Variants in NPAS3 observed in about 807,000 individuals in gnomAD.
NPAS3 encodes neuronal PAS domain protein 3.
In NPAS3, 14 loss-of-function variants were observed where a neutral mutation model predicts 73.1. The ratio of observed to expected loss-of-function variants is 0.19; its 90% CI spans 0.13 to 0.30. NPAS3 has a LOEUF of 0.30. Ranked by LOEUF, NPAS3 falls within the 10% of genes least tolerant of loss-of-function variation. The probability of loss-of-function intolerance (pLI) is 1.00; values close to 1 mark genes in which losing one functional copy is unlikely to be tolerated. For missense variants in NPAS3, 1,096 were observed against 1,250.0 expected (o/e 0.88, Z 1.86); for synonymous variants, 620 against 541.5 (o/e 1.14, Z -2.01).
chr14:33,216,973 T>C (rs746290504), intron 3 of NPAS3, among the ~76,000 whole-genome samples: 2 of 152,188 alleles, frequency 1.3e-5, no homozygotes, highest in South Asian at 4.1e-4. Flanking sequence ...GATTGTATTA[T>C]GCTATAAAAA....
intron 4 of NPAS3, among the ~76,000 whole-genome samples, chr14:33,474,144 C>T (rs2050912975): frequency 1.3e-5 from 2 of 152,114 alleles, no homozygotes; most frequent in Admixed American, 6.6e-5. Context: ...AGTGACACTA[C>T]AGAGTCAAGC....
At chr14:33,785,995 AC>A (rs1279824137) in intron 9 of NPAS3, among the ~76,000 whole-genome samples, 1 of 152,134 alleles carries the variant, frequency 6.6e-6, no homozygotes, top group African/African-American at 2.4e-5. Context: ...GCACTTCCCC[AC>A]CACCCCACAG....
At chr14:33,445,113 C>T (rs2049426313) in intron 4 of NPAS3, among the ~76,000 whole-genome samples, 1 of 152,206 alleles carries the variant, frequency 6.6e-6, no homozygotes, top group South Asian at 2.1e-4. Flanking sequence ...TATTCTTCGG[C>T]ACTTGGTTAA....
intron 3 of NPAS3, among the ~76,000 whole-genome samples, chr14:33,226,238 T>C (rs949806869): frequency 6.6e-6 from 1 of 152,230 alleles, no homozygotes; most frequent in Admixed American, 6.5e-5. Flanking sequence ...AGAAGCATGA[T>C]GAAAACATTG....
At position 33,454,466 on chromosome 14, in the gene NPAS3, T is replaced by C. The variant is rs367740001; in HGVS notation, c.468+87198T>C. 1.5e-4 allele frequency among the ~76,000 whole-genome samples: 23 copies of C among 152,354 alleles called. No individual in the cohort carries two copies. In the East Asian group the frequency reaches 2.3e-3, roughly 15 times the overall value. On this transcript the variant is annotated intron_variant, in intron 4 of 11. Coordinates refer to ENST00000356141, the Ensembl canonical transcript of NPAS3. ...CCACCCACTAAGATTGCTGTGAGTA[T>C]AAAACATGTTACTCCATGAGATGTT... is the stretch of plus-strand genomic sequence containing the variant.
In NPAS3 at chr14:33,088,566, G is replaced by A. The variant is rs576615077; in HGVS notation, c.140+32572G>A. On this transcript the variant is annotated intron_variant, in intron 2 of 11. Coordinates refer to ENST00000356141, the Ensembl canonical transcript of NPAS3. Reference sequence around the variant, plus strand: ...AAACTCGAACTGGGTGGAGCCCACCGCAGCTCAAGGAGGCCTGCCTCCACC... The same window carrying A: ...AAACTCGAACTGGGTGGAGCCCACCACAGCTCAAGGAGGCCTGCCTCCACC... 2.2e-4 allele frequency among the ~76,000 whole-genome samples: 34 copies of A among 152,340 alleles called. 1 individual carries two copies. The highest frequency in any genetic ancestry group is 9.7e-4 in the East Asian group (5 of 5,178).
At position 33,698,518 on chromosome 14, in the gene NPAS3, C is replaced by T. The variant is rs76934685; in HGVS notation, c.733+22133C>T. Among the ~76,000 whole-genome samples the T allele has an allele frequency of 3.8e-4, 58 of 152,248 alleles. No individual in the cohort carries two copies. In the East Asian group the frequency reaches 0.01, roughly 27 times the overall value. Reference sequence around the variant, plus strand: ...CACAGGATGCTACAGGAATATCTTACGTTGTAAAATAATTTCACTCCCCAA... The same window carrying T: ...CACAGGATGCTACAGGAATATCTTATGTTGTAAAATAATTTCACTCCCCAA... On this transcript the variant is annotated intron_variant, in intron 6 of 11. Transcript: ENST00000356141.
intron 1 of NPAS3, among the ~76,000 whole-genome samples, chr14:32,954,161 A>G (rs182422722): frequency 3.7e-4 from 57 of 152,234 alleles, no homozygotes; most frequent in African/African-American, 1.1e-3. Flanking sequence ...ATCTTCCCCA[A>G]ATTTCTTAAG....
chr14:33,399,712 G>A (rs561144376), intron 4 of NPAS3, among the ~76,000 whole-genome samples: 134 of 150,396 alleles, frequency 8.9e-4, no homozygotes, highest in African/African-American at 3.2e-3. Flanking sequence ...TCCTTTCTAC[G>A]TGGTTATTTT....
At chr14:32,998,234 G>A (rs575279330) in intron 1 of NPAS3, among the ~76,000 whole-genome samples, 2 of 152,322 alleles carry the variant, frequency 1.3e-5, no homozygotes, top group East Asian at 3.9e-4. Context: ...TACCAGTGTG[G>A]ATGAACCTCG....
chr14:33,688,444 G>A (rs1319285917), intron 6 of NPAS3, among the ~76,000 whole-genome samples: 1 of 152,056 alleles, frequency 6.6e-6, no homozygotes, highest in Non-Finnish European at 1.5e-5. Context: ...ATTAAGCACT[G>A]TACATGATCT....
chr14:33,109,049 C>T (rs2042809959), intron 2 of NPAS3, among the ~76,000 whole-genome samples: 1 of 151,920 alleles, frequency 6.6e-6, no homozygotes, highest in Admixed American at 6.6e-5. Context: ...TTGCAAAGTC[C>T]AATAAACTAT....
chr14:33,731,903 G>T (rs1432003716), intron 6 of NPAS3, among the ~76,000 whole-genome samples: 1 of 149,622 alleles, frequency 6.7e-6, no homozygotes, highest in Non-Finnish European at 1.5e-5. Flanking sequence ...CTTTTTTTCA[G>T]CTCCTAGTTT....
At chr14:33,030,713 A>C (rs757177333) in intron 1 of NPAS3, among the ~76,000 whole-genome samples, 1 of 152,176 alleles carries the variant, frequency 6.6e-6, no homozygotes. Context: ...GTAATATGTA[A>C]AAGGTGTGTC....
intron 4 of NPAS3, among the ~76,000 whole-genome samples, chr14:33,532,852 A>T (rs947548665): frequency 2.0e-5 from 3 of 152,050 alleles, no homozygotes; most frequent in Non-Finnish European, 4.4e-5. Context: ...TCCCTGTCTA[A>T]GTTGACTCCC....
At chr14:33,054,947 C>T (rs1409420351) in intron 1 of NPAS3, among the ~76,000 whole-genome samples, 1 of 152,024 alleles carries the variant, frequency 6.6e-6, no homozygotes, top group Non-Finnish European at 1.5e-5. Flanking sequence ...TGATCCATCA[C>T]ATGTTTTTAA....
intron 1 of NPAS3, among the ~76,000 whole-genome samples, chr14:33,045,051 G>A (rs564596542): frequency 6.6e-6 from 1 of 152,244 alleles, no homozygotes; most frequent in South Asian, 2.1e-4. Flanking sequence ...GGAAGGAAGA[G>A]CTATGAGGGA....
At chr14:33,422,069 C>T (rs1468331080) in intron 4 of NPAS3, among the ~76,000 whole-genome samples, 1 of 151,960 alleles carries the variant, frequency 6.6e-6, no homozygotes, top group Non-Finnish European at 1.5e-5. Flanking sequence ...GTCCTAATAG[C>T]TCTTTCAGGC....
At chr14:33,571,577 G>A (rs970770604) in intron 5 of NPAS3, among the ~76,000 whole-genome samples, 3 of 152,192 alleles carry the variant, frequency 2.0e-5, no homozygotes, top group South Asian at 2.1e-4. Context: ...GGTAGGCTAC[G>A]GAATGAAATC....
Sources: allele counts gnomAD v4.1 joint callset (sites outside exome capture counted in the v4.1 genomes callset), GRCh38; gene constraint gnomAD v4.1.1; transcripts MANE v1.5; gene names NCBI Gene and HGNC (gene_info 2026-07-23, HGNC 2026-07-21).